The following TOX variants were observed in gnomAD, a reference collection of about 807,000 sequenced individuals.
TOX encodes the protein thymocyte selection-associated high mobility group box protein TOX.
Under a neutral mutation model 53.7 loss-of-function variants are expected in TOX, and 11 were observed. That is an observed-to-expected ratio of 0.20 (90% CI 0.13 to 0.34). The LOEUF is 0.34. Among genes scored for constraint, TOX ranks in the 10% least tolerant of loss-of-function variants. The pLI is 1.00. For missense variants in TOX, 570 were observed against 664.6 expected (o/e 0.86, Z 1.56); for synonymous variants, 225 against 245.3 (o/e 0.92, Z 0.77).
chr8:59,022,994 G>T (rs1814163712), intron 1 of TOX, among the ~76,000 whole-genome samples: 1 of 152,114 alleles, frequency 6.6e-6, no homozygotes, highest in Non-Finnish European at 1.5e-5. Context: ...CTAGAAACCA[G>T]TTACTATTAT....
intron 1 of TOX, among the ~76,000 whole-genome samples, chr8:59,017,703 C>A (rs541235817): frequency 1.4e-4 from 21 of 152,292 alleles, no homozygotes; most frequent in East Asian, 1.3e-3. Context: ...CAGTTTTTAA[C>A]TGCAATTCAC....
intron 1 of TOX, among the ~76,000 whole-genome samples, chr8:58,993,945 G>A (rs943971021): frequency 3.9e-5 from 6 of 152,006 alleles, no homozygotes; most frequent in East Asian, 1.9e-4. Context: ...GCATAAAGAC[G>A]TTGTGAATTG....
chr8:58,840,836 GGATGCTT>G (rs3083361), intron 4 of TOX, among the ~76,000 whole-genome samples: 69,733 of 151,400 alleles, frequency 0.46, 18,086 homozygotes, highest in African/African-American at 0.73. Flanking sequence ...TGAATCCAGT[GGATGCTT>G]GATGCTTGAG....
chr8:59,108,532 C>T (rs1390696990), intron 1 of TOX, among the ~76,000 whole-genome samples: 1 of 152,064 alleles, frequency 6.6e-6, no homozygotes, highest in African/African-American at 2.4e-5. Flanking sequence ...ACATTATGTG[C>T]TGCACAAATA....
chr8:58,943,410 G>C (rs1812473976), intron 2 of TOX, among the ~76,000 whole-genome samples: 1 of 152,150 alleles, frequency 6.6e-6, no homozygotes, highest in Non-Finnish European at 1.5e-5. Context: ...ATGCCTGGGT[G>C]ATACAGGGGA....
chr8:59,041,041 C>T (rs1457770173), intron 1 of TOX, among the ~76,000 whole-genome samples: 2 of 150,386 alleles, frequency 1.3e-5, no homozygotes, highest in East Asian at 3.9e-4. Flanking sequence ...GACCTTTGAC[C>T]ATCAGCAGGA....
At chr8:58,861,068 C>T (rs930332299) in intron 3 of TOX, among the ~76,000 whole-genome samples, 7 of 152,160 alleles carry the variant, frequency 4.6e-5, no homozygotes, top group East Asian at 3.9e-4. Context: ...AAACTATCAA[C>T]GTCAATATTA....
At chr8:58,936,938 C>G (rs1290866229) in intron 3 of TOX, among the ~76,000 whole-genome samples, 1 of 152,220 alleles carries the variant, frequency 6.6e-6, no homozygotes, top group Non-Finnish European at 1.5e-5. Context: ...CTCAGTCCCA[C>G]TAGCCACATT....
chr8:58,968,964 G>C (rs1485153407), intron 1 of TOX, among the ~76,000 whole-genome samples: 2 of 152,142 alleles, frequency 1.3e-5, no homozygotes, highest in Admixed American at 6.5e-5. Flanking sequence ...GAATAACTTT[G>C]AGATTAAAAG....
At chr8:58,898,061 T>A (rs542996440) in intron 3 of TOX, among the ~76,000 whole-genome samples, 1 of 152,226 alleles carries the variant, frequency 6.6e-6, no homozygotes, top group Non-Finnish European at 1.5e-5. Flanking sequence ...TTCAGGAACC[T>A]TTCTCCATTA....
At chr8:59,111,699 T>G (rs562203046) in intron 1 of TOX, among the ~76,000 whole-genome samples, 7 of 152,292 alleles carry the variant, frequency 4.6e-5, no homozygotes, top group Admixed American at 2.6e-4. Flanking sequence ...AAAGCTAGTA[T>G]CATCACTACT....
chr8:59,011,124 G>A (rs559779615), intron 1 of TOX, among the ~76,000 whole-genome samples: 35 of 152,200 alleles, frequency 2.3e-4, no homozygotes, highest in African/African-American at 5.3e-4. Context: ...GGAACATGTC[G>A]GAAATGACAA....
At chr8:59,110,380 G>A (rs188001688) in intron 1 of TOX, among the ~76,000 whole-genome samples, 15 of 144,984 alleles carry the variant, frequency 1.0e-4, no homozygotes, top group South Asian at 4.2e-4. Context: ...AGGAAGCATC[G>A]GTGTTTTTCA....
intron 1 of TOX, among the ~76,000 whole-genome samples, chr8:58,994,575 T>C (rs1019726901): frequency 1.3e-5 from 2 of 152,176 alleles, no homozygotes; most frequent in Non-Finnish European, 2.9e-5. Flanking sequence ...TGATACCCAA[T>C]GGCAGAAGTT....
At chr8:59,061,486 T>C (rs1404826684) in intron 1 of TOX, among the ~76,000 whole-genome samples, 1 of 152,230 alleles carries the variant, frequency 6.6e-6, no homozygotes, top group African/African-American at 2.4e-5. Context: ...TTCTCTGTGA[T>C]GGCCTCTTCG....
At chr8:58,952,276 T>A (rs555211926) in intron 2 of TOX, among the ~76,000 whole-genome samples, 239 of 152,334 alleles carry the variant, frequency 1.6e-3, no homozygotes, top group Non-Finnish European at 2.7e-3. Flanking sequence ...AGAACAATCT[T>A]TAAGCACCTT....
chr8:58,927,993 C>T (rs530640402), intron 3 of TOX, among the ~76,000 whole-genome samples: 163 of 152,268 alleles, frequency 1.1e-3, no homozygotes, highest in African/African-American at 3.6e-3. Context: ...TAGGTTTCTG[C>T]GGGTGACTCC....
At chr8:58,902,465 T>C (rs1236678737) in intron 3 of TOX, among the ~76,000 whole-genome samples, 1 of 152,118 alleles carries the variant, frequency 6.6e-6, no homozygotes, top group Non-Finnish European at 1.5e-5. Flanking sequence ...GGAAATTGAG[T>C]GCTGGCAAGG....
intron 2 of TOX, among the ~76,000 whole-genome samples, chr8:58,958,175 A>G (rs1450912756): frequency 6.6e-6 from 1 of 152,220 alleles, no homozygotes; most frequent in Admixed American, 6.5e-5. Context: ...TATCACTGGT[A>G]TCCAAAACAT....
Sources: allele counts gnomAD v4.1 joint callset (sites outside exome capture counted in the v4.1 genomes callset), GRCh38; gene constraint gnomAD v4.1.1; transcripts MANE v1.5; gene names NCBI Gene and HGNC (gene_info 2026-07-23, HGNC 2026-07-21).